Variants in HPRT1 observed in about 807,000 individuals in gnomAD.
HPRT1 encodes hypoxanthine-guanine phosphoribosyltransferase.
HPRT1 carries 4 observed loss-of-function variants against 19.0 expected under a neutral mutation model. That is an observed-to-expected ratio of 0.21 (90% CI 0.10 to 0.48). The LOEUF is 0.48. Ranked by LOEUF, HPRT1 falls within the 20% of genes least tolerant of loss-of-function variation. The pLI, the probability that HPRT1 is intolerant of heterozygous loss-of-function variation, is 0.98. For missense variants in HPRT1, 65 were observed against 164.0 expected, an observed-to-expected ratio of 0.40 and a Z score of 3.30; for synonymous variants, 53 against 54.9, an observed-to-expected ratio of 0.97 and a Z score of 0.15.
At chrX:134,479,607 T>A (rs1480516650) in intron 3 of HPRT1, among the ~76,000 whole-genome samples, 3 of 109,340 alleles carry the variant, frequency 2.7e-5, no homozygotes, top group Non-Finnish European at 5.7e-5. Context: ...TTGTTTTGTT[T>A]TTGTTTTTGT....
chrX:134,490,143 C>T, intron 4 of HPRT1, 45 bp from the exon 5 acceptor site: 1 of 874,949 alleles, frequency 1.1e-6, no homozygotes, highest in Non-Finnish European at 1.7e-6. Context: ...ATTGGAAATA[C>T]CGTTTTATTC....
intron 1 of HPRT1, among the ~76,000 whole-genome samples, chrX:134,468,476 G>T (rs1307102031): frequency 9.1e-6 from 1 of 110,280 alleles, no homozygotes; most frequent in African/African-American, 3.3e-5. Context: ...AATTAACCAA[G>T]TGTGGTGGTG....
At chrX:134,470,220 C>T (rs184358366) in intron 1 of HPRT1, among the ~76,000 whole-genome samples, 1 of 112,050 alleles carries the variant, frequency 8.9e-6, no homozygotes, top group East Asian at 2.8e-4. Context: ...CCTGGTCCAC[C>T]TACCTGAAAA....
intron 3 of HPRT1, among the ~76,000 whole-genome samples, 156 bp downstream of exon 3, chrX:134,475,520 G>GT (rs759661539): frequency 1.8e-5 from 2 of 111,688 alleles, no homozygotes; most frequent in Non-Finnish European, 1.9e-5. Flanking sequence ...AGCCAATACT[G>GT]TTTTTTTAAA....
At chrX:134,475,757 G>C (rs767231733) in intron 3 of HPRT1, among the ~76,000 whole-genome samples, 1 of 111,343 alleles carries the variant, frequency 9.0e-6, no homozygotes, top group South Asian at 3.7e-4. Context: ...AGCACATGGA[G>C]AGCTAGAGTA....
At chrX:134,475,938 G>T (rs1449188741) in intron 3 of HPRT1, among the ~76,000 whole-genome samples, 1 of 112,162 alleles carries the variant, frequency 8.9e-6, no homozygotes, top group African/African-American at 3.2e-5. Flanking sequence ...CAAAATCAGT[G>T]TGAATTTTAG....
At chrX:134,497,788 CA>C (rs1224056845) in intron 6 of HPRT1, among the ~76,000 whole-genome samples, 4 of 102,631 alleles carry the variant, frequency 3.9e-5, no homozygotes, top group South Asian at 4.3e-4. Flanking sequence ...CTACTAAATA[CA>C]AAAAAAAATT....
intron 3 of HPRT1, among the ~76,000 whole-genome samples, chrX:134,481,364 G>C (rs1458545628): frequency 9.0e-6 from 1 of 111,268 alleles, no homozygotes; most frequent in Non-Finnish European, 1.9e-5. Flanking sequence ...ATTTCTTTGA[G>C]GTATACTTTT....
chrX:134,471,882 G>A (rs975395617), intron 1 of HPRT1, among the ~76,000 whole-genome samples: 1 of 111,731 alleles, frequency 9.0e-6, no homozygotes, highest in Non-Finnish European at 1.9e-5. Flanking sequence ...CAGGTGATAC[G>A]CCCACCTGGG....
In HPRT1 at chrX:134,500,456, A is replaced by G. The variant is rs1432072043; in HGVS notation, c.*379A>G. 1 of 131,222 alleles carries G rather than the reference A, an allele frequency of 7.6e-6. No individual in the cohort carries two copies. The highest frequency in any genetic ancestry group is 8.2e-5 in the Admixed American group (1 of 12,231). The allele number at this position is 131,222 out of a possible 1,213,427, so 10.8% of individuals were successfully genotyped here. A position where few individuals can be genotyped will look rare whatever the true frequency, so the allele number is the denominator to read the frequency against. On this transcript the variant is annotated 3_prime_UTR_variant, in exon 9 of 9. Coordinates refer to ENST00000298556, the MANE Select transcript of HPRT1 (RefSeq NM_000194.3). ...CAGGAAAGAATAGAAGTGATTGAAT[A>G]TTGTTAATTATACCACCGTGTGTTA...
intron 6 of HPRT1, among the ~76,000 whole-genome samples, chrX:134,497,760 C>G (rs1486584912): frequency 2.7e-5 from 3 of 110,939 alleles, no homozygotes; most frequent in Non-Finnish European, 5.7e-5. Context: ...TCCTGGCTAA[C>G]ACAGTAAAAC....
chrX:134,466,211 A>G (rs1263682082), intron 1 of HPRT1, among the ~76,000 whole-genome samples: 1 of 110,309 alleles, frequency 9.1e-6, no homozygotes, highest in African/African-American at 3.3e-5. Flanking sequence ...CGAGGTCAGG[A>G]GTTTGAGACC....
intron 6 of HPRT1, among the ~76,000 whole-genome samples, chrX:134,497,895 G>A (rs1308040995): frequency 2.8e-5 from 3 of 108,703 alleles, no homozygotes; most frequent in African/African-American, 3.4e-5. Context: ...TGCAGTGAGC[G>A]GAGATCGCGC....
intron 5 of HPRT1, among the ~76,000 whole-genome samples, chrX:134,492,787 A>AT (rs1023138978): frequency 5.5e-5 from 6 of 108,820 alleles, no homozygotes; most frequent in African/African-American, 1.0e-4. Context: ...GGAGGCAGGA[A>AT]TTTTTTTTTT....
intron 3 of HPRT1, among the ~76,000 whole-genome samples, chrX:134,478,562 G>A (rs771956501): frequency 3.6e-5 from 4 of 111,784 alleles, no homozygotes; most frequent in Admixed American, 2.9e-4. Flanking sequence ...GCAGGAGTTC[G>A]AGACTGAGTG....
At chrX:134,476,991 TA>T (rs1249370044) in intron 3 of HPRT1, among the ~76,000 whole-genome samples, 1 of 109,719 alleles carries the variant, frequency 9.1e-6, no homozygotes, top group Non-Finnish European at 1.9e-5. Context: ...GTAGATATAC[TA>T]TTTTTTTGGT....
rs756354323 is a variant in HPRT1 at position 134,498,460 on chromosome X, A to C, written c.532+24A>C. 5 of 1,170,094 alleles carry C rather than the reference A, an allele frequency of 4.3e-6. No homozygotes were observed. The Admixed American group carries it at 6.5e-5, about 15-fold the overall frequency. ...CTGTAAGTGAATTACTTTTTTTGTCAATCATTTAACCATCTTTAACCTAAA... is the reference window on the plus strand; with the variant it reads ...CTGTAAGTGAATTACTTTTTTTGTCCATCATTTAACCATCTTTAACCTAAA... On this transcript the variant is annotated intron_variant, in intron 7 of 8. Coordinates refer to ENST00000298556, the MANE Select transcript of HPRT1 (RefSeq NM_000194.3).
intron 3 of HPRT1, among the ~76,000 whole-genome samples, chrX:134,477,993 C>G (rs926358081): frequency 8.9e-6 from 1 of 111,990 alleles, no homozygotes; most frequent in Admixed American, 9.5e-5. Flanking sequence ...GCATTTCTAC[C>G]CTGTTTAATA....
chrX:134,468,216 A>G (rs1369755297), intron 1 of HPRT1, among the ~76,000 whole-genome samples: 2 of 102,155 alleles, frequency 2.0e-5, no homozygotes, highest in Non-Finnish European at 4.0e-5. Context: ...TATCAAATTT[A>G]TCTAACTCTC....
Sources: gnomAD v4.1 joint callset for allele counts (sites outside exome capture counted in the v4.1 genomes callset) on GRCh38, gnomAD v4.1.1 for gene constraint, MANE v1.5 for transcripts, NCBI Gene and HGNC (gene_info 2026-07-23, HGNC 2026-07-21) for gene names.